Variants in ATXN2 observed in about 807,000 individuals in gnomAD.
The protein encoded by ATXN2 is ataxin-2.
ATXN2 carries 37 observed loss-of-function variants against 138.6 expected under a neutral mutation model. The ratio of observed to expected loss-of-function variants is 0.27; its 90% CI spans 0.21 to 0.35. The LOEUF is 0.35. Ranked by LOEUF, ATXN2 falls within the 10% of genes least tolerant of loss-of-function variation. ATXN2 has a pLI of 1.00. For synonymous variants in ATXN2, 549 were observed against 543.7 expected, an observed-to-expected ratio of 1.01 and a Z score of -0.13; for missense variants, 1,216 against 1,480.3, an observed-to-expected ratio of 0.82 and a Z score of 2.93.
At chr12:111,461,486 CAAAT>C (rs781751809) in intron 21 of ATXN2, among the ~76,000 whole-genome samples, 10 of 138,480 alleles carry the variant, frequency 7.2e-5, no homozygotes, top group Non-Finnish European at 4.4e-5. Context: ...ATAAAATAAA[CAAAT>C]AAATAAATAA....
At chr12:111,584,433 G>A (rs969469010) in intron 1 of ATXN2, among the ~76,000 whole-genome samples, 3 of 143,886 alleles carry the variant, frequency 2.1e-5, no homozygotes, top group African/African-American at 7.7e-5. Flanking sequence ...GTTGCTGCTC[G>A]TGGCAGAGCA....
intron 1 of ATXN2, among the ~76,000 whole-genome samples, chr12:111,589,024 A>AAAC (rs1884504272): frequency 7.3e-6 from 1 of 136,274 alleles, no homozygotes; most frequent in African/African-American, 2.9e-5. Flanking sequence ...AAAAAAAAAA[A>AAAC]CTAAACCAAA....
Position 111,516,035 on chromosome 12 carries a change from G to A in ATXN2, c.1375+119C>T, listed in dbSNP as rs556024490. 5 of 994,348 alleles carry A rather than the reference G, an allele frequency of 5.0e-6. No individual in the cohort carries two copies. In the East Asian group the frequency reaches 1.2e-4, roughly 24 times the overall value. The allele number at this position is 994,348 out of a possible 1,614,324, so 61.6% of individuals were successfully genotyped here. ...ATAGAAATAGTTTTAATAAACTAAA[G>A]TTAAAACACAGAAATTATAGGTTAT... On this transcript the variant is annotated intron_variant, in intron 10 of 24. Transcript: ENST00000673436. This position sits in a 1 kb window ranked among gnomAD's most constrained non-coding sequence, Gnocchi z 5.0.
chr12:111,505,632 C>G (rs1879058054), intron 14 of ATXN2, among the ~76,000 whole-genome samples: 1 of 152,094 alleles, frequency 6.6e-6, no homozygotes, highest in African/African-American at 2.4e-5. Context: ...ACATTAAAGC[C>G]ACAATGAGGT....
At chr12:111,496,232 C>T (rs1878413580) in intron 14 of ATXN2, among the ~76,000 whole-genome samples, 1 of 151,536 alleles carries the variant, frequency 6.6e-6, no homozygotes, top group South Asian at 2.1e-4. Context: ...TCTCTGATCA[C>T]AATAAGATAA....
Position 111,518,283 on chromosome 12 carries a change from C to T in ATXN2, c.1131G>A (p.Pro377=), listed in dbSNP as rs1315875576. 9.3e-6 allele frequency: 15 copies of T among 1,609,494 alleles called. No homozygotes were observed. The highest frequency in any genetic ancestry group is 7.7e-5 in the South Asian group (7 of 90,384). The change falls in exon 9 of 25, where the codon CCG becomes CCA. Residue 377 remains proline (P), a synonymous_variant. Transcript: ENST00000673436. ...CTACTCTTTGGTCTGAACCAGAATT[C>T]GGGTTGAAATCTGAAGTGTGAGAAG... ...RSTSHTSDFN[P]NSGSDQRVVN...
chr12:111,488,908 TTAAGAG>T (rs1698005326), intron 14 of ATXN2, 128 bp from the exon 15 acceptor site: 2 of 785,624 alleles, frequency 2.5e-6, no homozygotes, highest in Non-Finnish European at 3.9e-6. Context: ...TTTTCATACT[TTAAGAG>T]TAATGCTTTT....
intron 7 of ATXN2, among the ~76,000 whole-genome samples, chr12:111,520,479 C>T (rs1206323045): frequency 2.0e-5 from 3 of 151,968 alleles, no homozygotes; most frequent in South Asian, 2.1e-4. Flanking sequence ...GGTGAAACCC[C>T]GTCTCTACTA....
In ATXN2 at chr12:111,520,010, T is replaced by C. The variant is rs1880067865; in HGVS notation, c.855A>G (p.Ala285=). 1 of 1,614,080 alleles carries C rather than the reference T, an allele frequency of 6.2e-7. No individual in the cohort carries two copies. Among genetic ancestry groups the C allele is most frequent in the African/African-American group, 1.3e-5 (1 of 74,936 alleles). The change falls in exon 8 of 25, where the codon GCA becomes GCG. Residue 285 remains alanine (A), a synonymous_variant. Transcript: ENST00000673436. ...ACTGGGCACTTGACTCAATTTCTTC[T>C]GCTAACTGGTTTGCCCTTGCTTCCC... The part of the protein sequence containing the change: ...LKREARANQL[A]EEIESSAQYK...
At chr12:111,525,148 C>T in intron 6 of ATXN2, 44 bp downstream of exon 6, 6 of 1,576,726 alleles carry the variant, frequency 3.8e-6, no homozygotes, top group Non-Finnish European at 5.1e-6. Context: ...GACAGGATGT[C>T]ATACTGACCA....
At position 111,598,891 on chromosome 12, in the gene ATXN2, G is replaced by T. The variant is rs1346667506; in HGVS notation, c.144C>A (p.Pro48=). The change falls in exon 1 of 25, where the codon CCC becomes CCA. Residue 48 remains proline (P), a synonymous_variant. Coordinates refer to ENST00000673436, the MANE Select transcript of ATXN2 (RefSeq NM_001372574.1). This position sits in a 1 kb window ranked among gnomAD's most constrained non-coding sequence, Gnocchi z 4.5. ...ACGAGGACGGCGAAGGCGCGGCGGC[G>T]GGCGACGCTAGAAGGCCGCTGCCGC... ...KPGGSGLLAS[P]AAAPSPSSSS... 3 of 1,500,668 alleles carry T rather than the reference G, an allele frequency of 2.0e-6. No homozygotes were observed. Among genetic ancestry groups the T allele is most frequent in the African/African-American group, 2.9e-5 (2 of 69,396 alleles). The allele number at this position is 1,500,668 out of a possible 1,614,324, so 93.0% of individuals were successfully genotyped here.
chr12:111,546,231 T>C (rs1881793054), intron 5 of ATXN2, among the ~76,000 whole-genome samples: 1 of 152,230 alleles, frequency 6.6e-6, no homozygotes. Context: ...CACATTCTGT[T>C]ACTTCACCAA....
chr12:111,493,418 CAAAA>C (rs59185968), intron 14 of ATXN2, among the ~76,000 whole-genome samples: 3 of 45,642 alleles, frequency 6.6e-5, no homozygotes, highest in African/African-American at 2.0e-4. Flanking sequence ...GACTCTGTCT[CAAAA>C]AAAAAAAAAA....
chr12:111,476,447 C>A (rs1876819219), intron 18 of ATXN2, among the ~76,000 whole-genome samples: 2 of 149,954 alleles, frequency 1.3e-5, no homozygotes, highest in Non-Finnish European at 1.5e-5. Context: ...AGTAATGCAC[C>A]AGTACAATAA....
In ATXN2 at chr12:111,512,301, T is replaced by G. The variant is rs187246373; in HGVS notation, c.1558+1056A>C. ...TGGACTGATTAAAAGAGAAAAAGTGTTTTTTTTGTTTGTTTGTTTGTTTGT... is the reference window on the plus strand; with the variant it reads ...TGGACTGATTAAAAGAGAAAAAGTGGTTTTTTTGTTTGTTTGTTTGTTTGT... On this transcript the variant is annotated intron_variant, in intron 11 of 24. Coordinates refer to ENST00000673436, the MANE Select transcript of ATXN2 (RefSeq NM_001372574.1). Among the ~76,000 whole-genome samples, 2 of 151,278 alleles carry G rather than the reference T, an allele frequency of 1.3e-5. 1 individual carries two copies. Among genetic ancestry groups the G allele is most frequent in the South Asian group, 4.2e-4 (2 of 4,802 alleles).
At position 111,554,224 on chromosome 12, in the gene ATXN2, T is replaced by C; in HGVS notation, c.289-7A>G. The C allele has an allele frequency of 7.3e-7, 1 of 1,378,264 alleles. No individual in the cohort carries two copies. The highest frequency in any genetic ancestry group is 1.5e-5 in the South Asian group (1 of 67,808). 85.4% of individuals were successfully genotyped at this position (1,378,264 alleles called of 1,614,324 possible). A position where few individuals can be genotyped will look rare whatever the true frequency, so the allele number is the denominator to read the frequency against. On this transcript the variant is annotated splice_region_variant and splice_polypyrimidine_tract_variant and intron_variant, in intron 2 of 24. Transcript: ENST00000673436. ...AGATTCCATCAAAAGAAATCTGGAATATTAAAAAAAAAAAAAACTATTAGA... is the reference window on the plus strand; with the variant it reads ...AGATTCCATCAAAAGAAATCTGGAACATTAAAAAAAAAAAAAACTATTAGA...
At position 111,485,795 on chromosome 12, in the gene ATXN2, T is replaced by C; in HGVS notation, c.2375A>G (p.Gln792Arg). 5.0e-6 allele frequency: 8 copies of C among 1,614,188 alleles called. No homozygotes were observed. Among genetic ancestry groups the C allele is most frequent in the Non-Finnish European group, 6.8e-6 (8 of 1,180,034 alleles). Residue 792 changes from glutamine (Q) to arginine (R), a missense_variant, in exon 17 of 25, where the codon CAA (glutamine) becomes CGA (arginine). By Grantham distance (43) the Gln-to-Arg change is conservative. Transcript: ENST00000673436. ...AQPSPSMVGHQQPTPVYTQPV... is the reference protein window; with the variant it reads ...AQPSPSMVGHRQPTPVYTQPV... ...CTGAGTATAAACTGGAGTTGGCTGT[T>C]GATGACCCACCATAGATGGGCTAGG...
chr12:111,599,427 AGCGCCACCC>A, upstream of ATXN2: 7 of 1,181,306 alleles, frequency 5.9e-6, no homozygotes, highest in Non-Finnish European at 7.3e-6. Context: ...CGCTGGAGCG[AGCGCCACCC>A]GGGCCACCTG....
At chr12:111,467,376 T>G (rs1876103791) in intron 20 of ATXN2, among the ~76,000 whole-genome samples, 1 of 146,114 alleles carries the variant, frequency 6.8e-6, no homozygotes, top group Admixed American at 7.0e-5. Context: ...AGACTGGTCT[T>G]GAACACCTGG....
Sources: gnomAD v4.1 joint callset for allele counts (sites outside exome capture counted in the v4.1 genomes callset) on GRCh38, gnomAD v4.1.1 for gene constraint, Gnocchi (gnomAD v3.1) non-coding constraint, MANE v1.5 for transcripts, NCBI Gene and HGNC (gene_info 2026-07-23, HGNC 2026-07-21) for gene names.